Variants in FASN observed in about 807,000 individuals in gnomAD.
FASN encodes the protein 3-hydroxyacyl-[acyl-carrier-protein] dehydratase.
Under a neutral mutation model 250.0 loss-of-function variants are expected in FASN, and 50 were observed. That is an observed-to-expected ratio of 0.20 (90% CI 0.16 to 0.25). FASN has a LOEUF of 0.25. Among genes scored for constraint, FASN ranks in the 10% least tolerant of loss-of-function variants. FASN has a pLI of 1.00. For synonymous variants in FASN, 1,909 were observed against 1,584.0 expected (o/e 1.21, Z -4.87); for missense variants, 3,031 against 3,498.5 (o/e 0.87, Z 3.37).
rs565374681 is a variant in FASN at position 82,089,068 on chromosome 17, A to G, written c.2205T>C (p.Asn735=). 1.9e-6 allele frequency: 3 copies of G among 1,593,816 alleles called. No homozygotes were observed. The highest frequency in any genetic ancestry group is 1.7e-5 in the Admixed American group (1 of 57,364). ...GCACAGGGCTCACCAGGTTGTTGACATTGTACTCGGCGGAGGACGTGCGTG... is the reference window on the plus strand; with the variant it reads ...GCACAGGGCTCACCAGGTTGTTGACGTTGTACTCGGCGGAGGACGTGCGTG... ...SLARTSSAEY[N]VNNLVSPVLF... The change falls in exon 14 of 43, where the codon AAT becomes AAC. Residue 735 remains asparagine, a synonymous_variant. Transcript: ENST00000306749.
In FASN at chr17:82,082,085, C is replaced by T. The variant is rs146309529; in HGVS notation, c.6087G>A (p.Ala2029=). The T allele has an allele frequency of 1.4e-5, 23 of 1,609,638 alleles. No homozygotes were observed. The highest frequency in any genetic ancestry group is 4.0e-5 in the African/African-American group (3 of 74,924). ...FSSVSCGRGN[A]GQSNYGFANS... Reference sequence around the variant, plus strand: ...TGGCAAAGCCGTAGTTGCTCTGTCCCGCATTGCCACGCCCGCAGCTCACAG... The same window carrying T: ...TGGCAAAGCCGTAGTTGCTCTGTCCTGCATTGCCACGCCCGCAGCTCACAG... The change falls in exon 36 of 43, where the codon GCG becomes GCA. Residue 2029 remains alanine, a synonymous_variant. Transcript: ENST00000306749.
chr17:82,079,054 G>A lies in FASN; in HGVS notation c.*89C>T. ...TGGGCCGGACAGGGTCCCACCGGCA[G>A]GACCCTTCAATCCCGTTGCATGGCG... On this transcript the variant is annotated 3_prime_UTR_variant, in exon 43 of 43. Coordinates refer to ENST00000306749, the MANE Select transcript of FASN (RefSeq NM_004104.5). The A allele has an allele frequency of 7.2e-7, 1 of 1,388,524 alleles. No homozygotes were observed. Among genetic ancestry groups the A allele is most frequent in the African/African-American group, 1.6e-5 (1 of 62,628 alleles). 86.0% of individuals were successfully genotyped at this position (1,388,524 alleles called of 1,614,324 possible). A position where few individuals can be genotyped will look rare whatever the true frequency, so the allele number is the denominator to read the frequency against.
rs1458375134 is a variant in FASN, at chr17:82,089,719, G to A, written c.1878C>T (p.Ser626=). ...PPGAMAAVGL[S]WEECKQRCPP... ...GGCAGCGCTGTTTACACTCCTCCCA[G>A]GACAAGCCTATGGCAGAGCCAGCCT... Residue 626 remains serine, a synonymous_variant, in exon 12 of 43, where the codon TCC becomes TCT. Coordinates refer to ENST00000306749, the MANE Select transcript of FASN (RefSeq NM_004104.5). 1 of 1,583,516 alleles carries A rather than the reference G, an allele frequency of 6.3e-7. No homozygotes were observed. The highest frequency in any genetic ancestry group is 1.8e-5 in the Admixed American group (1 of 54,880).
rs2034032623 is a variant in FASN at position 82,083,654 on chromosome 17, G to A, written c.5219-15C>T. On this transcript the variant is annotated splice_polypyrimidine_tract_variant and intron_variant, in intron 30 of 42. Transcript: ENST00000306749. Reference sequence around the variant, plus strand: ...CAGGTCAACGCCTAGGGGGCCAGAGGGGCCAGACAATCACACCCACTGCAA... The same window carrying A: ...CAGGTCAACGCCTAGGGGGCCAGAGAGGCCAGACAATCACACCCACTGCAA... 3 of 1,605,006 alleles carry A rather than the reference G, an allele frequency of 1.9e-6. No individual in the cohort carries two copies. The highest frequency in any genetic ancestry group is 1.3e-5 in the African/African-American group (1 of 74,874).
rs200839328 is a variant in FASN, at chr17:82,083,296, C to T, written c.5471G>A (p.Arg1824Gln). The T allele has an allele frequency of 4.6e-5, 74 of 1,612,780 alleles. 1 individual carries two copies. In the South Asian group the frequency reaches 4.6e-4, roughly 10 times the overall value. ...VQAGIRDGVV[R>Q]PLKCTVFHGA... Reference sequence around the variant, plus strand: ...ATGGAACACCGTGCACTTGAGGGGCCGTACCACCCCATCCCGGATGCCGGC... The same window carrying T: ...ATGGAACACCGTGCACTTGAGGGGCTGTACCACCCCATCCCGGATGCCGGC... The change falls in exon 32 of 43, where the codon CGG (arginine) becomes CAG (glutamine). Residue 1824 changes from arginine to glutamine, a missense_variant. Coordinates refer to ENST00000306749, the MANE Select transcript of FASN (RefSeq NM_004104.5).
chr17:82,094,033 G>T (rs113070073), intron 3 of FASN: 1 of 561,612 alleles, frequency 1.8e-6, no homozygotes, highest in South Asian at 2.0e-5. Flanking sequence ...GGCGGAGGGG[G>T]CAGGCGGGCC....
At position 82,093,411 on chromosome 17, in the gene FASN, T is replaced by C. The variant is rs548430047; in HGVS notation, c.463A>G (p.Ile155Val). The change falls in exon 5 of 43, where the codon ATC becomes GTC. Residue 155 changes from isoleucine (I) to valine (V), a missense_variant. Ile to Val is a conservative substitution (Grantham distance 29). Coordinates refer to ENST00000306749, the MANE Select transcript of FASN (RefSeq NM_004104.5). ...SFFFDFRGPS[I>V]ALDTACSSSL... ...GAGGAGCAGGCTGTGTCCAGTGCGA[T>C]GCTGGGCCCTGCAAGGAAGGGTGCT... The C allele has an allele frequency of 1.2e-3, 1,964 of 1,600,410 alleles. 43 individuals carry two copies. In the South Asian group the frequency reaches 0.021, roughly 17 times the overall value.
intron 22 of FASN, 89 bp from the exon 23 acceptor site, chr17:82,085,960 G>A: frequency 2.1e-6 from 3 of 1,400,664 alleles, no homozygotes; most frequent in Non-Finnish European, 2.8e-6. Flanking sequence ...GCCTCAGTCT[G>A]GCAGAAAGGC....
chr17:82,089,228 C>G, intron 13 of FASN, 22 bp downstream of exon 13: 1 of 1,611,666 alleles, frequency 6.2e-7, no homozygotes, highest in Non-Finnish European at 8.5e-7. Flanking sequence ...CGCCCCGCAC[C>G]CCCCAGGCCG....
intron 1 of FASN, 63 bp from the exon 2 acceptor site, chr17:82,096,515 C>CGGCACCCAGAACAGGTGGACACCCATG: frequency 6.3e-7 from 1 of 1,599,782 alleles, no homozygotes; most frequent in Non-Finnish European, 8.5e-7. Context: ...TCAACAGCCT[C>CGGCACCCAGAACAGGTGGACACCCATG]GGCACCCAGA....
intron 10 of FASN, 152 bp downstream of exon 10, chr17:82,090,730 C>A (rs1386843067): frequency 2.8e-6 from 3 of 1,080,978 alleles, no homozygotes; most frequent in African/African-American, 3.1e-5. Flanking sequence ...CACTGAGACC[C>A]CTCCTCCCCT....
At chr17:82,079,734 T>C (rs1191755752) in intron 41 of FASN, 126 bp from the exon 42 acceptor site, 9 of 1,333,688 alleles carry the variant, frequency 6.7e-6, no homozygotes, top group African/African-American at 1.5e-5. Flanking sequence ...CTAGATGGAG[T>C]GGGGCGATCT....
Position 82,080,359 on chromosome 17 carries a change from C to T in FASN, c.7047+11G>A, listed in dbSNP as rs567359161. On this transcript the variant is annotated intron_variant, in intron 40 of 42. Transcript: ENST00000306749. Reference sequence around the variant, plus strand: ...TTTGCCGTAGGCCTCTAGGACCAGCCTGGCTCTCACCTGGGTGTAGGCCAG... The same window carrying T: ...TTTGCCGTAGGCCTCTAGGACCAGCTTGGCTCTCACCTGGGTGTAGGCCAG... The T allele has an allele frequency of 6.2e-7, 1 of 1,604,244 alleles. No individual in the cohort carries two copies. Among genetic ancestry groups the T allele is most frequent in the East Asian group, 2.2e-5 (1 of 44,540 alleles).
chr17:82,087,520 G>A lies in FASN; in HGVS notation c.3044-16C>T, dbSNP rs1161196403. On this transcript the variant is annotated splice_polypyrimidine_tract_variant and intron_variant, in intron 19 of 42. Transcript: ENST00000306749. ...CCCGAGTCACCTGCACACAGGGCCT[G>A]GTTGGTGCTGTGGAACTCCCAGGTC... is the stretch of plus-strand genomic sequence containing the variant. 1.2e-6 allele frequency: 2 copies of A among 1,611,326 alleles called. No homozygotes were observed. The highest frequency in any genetic ancestry group is 2.2e-5 in the East Asian group (1 of 44,890).
At position 82,084,693 on chromosome 17, in the gene FASN, G is replaced by T; in HGVS notation, c.4588C>A (p.His1530Asn). The part of the protein sequence containing the change: ...EEDKPEEPTA[H>N]AFVSTLTRGD... ...CGGGTGAGGGTGCTCACAAAGGCAT[G>T]TGCCGTCGGCTCCTCAGGCTTGTCT... is the stretch of plus-strand genomic sequence containing the variant. The change falls in exon 27 of 43, where the codon CAT (histidine) becomes AAT (asparagine). Residue 1530 changes from histidine to asparagine, a missense_variant. Coordinates refer to ENST00000306749, the MANE Select transcript of FASN (RefSeq NM_004104.5). 1.3e-6 allele frequency: 2 copies of T among 1,572,550 alleles called. No individual in the cohort carries two copies. Among genetic ancestry groups the T allele is most frequent in the Non-Finnish European group, 8.6e-7 (1 of 1,159,320 alleles).
chr17:82,091,634 A>G lies in FASN; in HGVS notation c.1080T>C (p.His360=). 3 of 1,597,132 alleles carry G rather than the reference A, an allele frequency of 1.9e-6. No individual in the cohort carries two copies. Among genetic ancestry groups the G allele is most frequent in the Non-Finnish European group, 2.6e-6 (3 of 1,173,596 alleles). The change falls in exon 9 of 43, where the codon CAT becomes CAC. Residue 360 remains histidine (H), a synonymous_variant. Coordinates refer to ENST00000306749, the MANE Select transcript of FASN (RefSeq NM_004104.5). ...GCGCTGGGATCTCAGGGTTGGGGCT[A>G]TGGAAGTGCAGGTTGGGGGCCCAGA... is the stretch of plus-strand genomic sequence containing the variant. ...HGLWAPNLHF[H]SPNPEIPALL...
chr17:82,080,721 A>G lies in FASN; in HGVS notation c.6797T>C (p.Ile2266Thr). The change falls in exon 39 of 43, where the codon ATC becomes ACC. Residue 2266 changes from isoleucine to threonine, a missense_variant. Transcript: ENST00000306749. ...GGTGCACTGCAGGCCATAGGTGGGG[A>G]TGCTGAGCCGGGAGGCCAGGCTGTG... ...VFHSLASRLS[I>T]PTYGLQCTRA... 1.3e-6 allele frequency: 2 copies of G among 1,599,638 alleles called. No homozygotes were observed. Among genetic ancestry groups the G allele is most frequent in the African/African-American group, 2.7e-5 (2 of 74,946 alleles).
In FASN at chr17:82,080,160, T is replaced by C; in HGVS notation, c.7126A>G (p.Thr2376Ala). The C allele has an allele frequency of 1.2e-6, 2 of 1,613,220 alleles. No homozygotes were observed. Among genetic ancestry groups the C allele is most frequent in the Non-Finnish European group, 1.7e-6 (2 of 1,180,022 alleles). The change falls in exon 41 of 43, where the codon ACG becomes GCG. Residue 2376 changes from threonine to alanine, a missense_variant. By Grantham distance (58) the Thr-to-Ala change is moderately conservative (BLOSUM62 0). Coordinates refer to ENST00000306749, the MANE Select transcript of FASN (RefSeq NM_004104.5). ...CCCACCCTGTTGTGCTCCATGTCCG[T>C]GAACTGCTGCACGAAGAAGCATATG... is the stretch of plus-strand genomic sequence containing the variant. The part of the protein sequence containing the change: ...EAICFFVQQF[T>A]DMEHNRVLEA...
intron 3 of FASN, among the ~76,000 whole-genome samples, chr17:82,094,842 G>A (rs906538383): frequency 1.3e-5 from 2 of 151,250 alleles, no homozygotes; most frequent in African/African-American, 4.9e-5. Context: ...GCGCTTGTCC[G>A]AGGTCAAATG....
Sources: gnomAD v4.1 joint callset for allele counts (sites outside exome capture counted in the v4.1 genomes callset) on GRCh38, gnomAD v4.1.1 for gene constraint, MANE v1.5 for transcripts, NCBI Gene and HGNC (gene_info 2026-07-23, HGNC 2026-07-21) for gene names.